PRKAR1A: variants seen among roughly 807,000 people sequenced by gnomAD.
The protein encoded by PRKAR1A is protein kinase cAMP-dependent type I regulatory subunit alpha.
A neutral mutation model predicts 52.0 loss-of-function variants in PRKAR1A; 3 were observed. The ratio of observed to expected loss-of-function variants is 0.06; its 90% confidence interval spans 0.03 to 0.15. PRKAR1A has a LOEUF of 0.15. Among genes scored for constraint, PRKAR1A ranks in the 10% least tolerant of loss-of-function variants. The pLI, the probability that PRKAR1A is intolerant of heterozygous loss-of-function variation, is 1.00. For missense variants in PRKAR1A, 240 were observed against 477.4 expected (o/e 0.50, Z 4.63); for synonymous variants, 188 against 168.4 (o/e 1.12, Z -0.90).
chr17:68,460,251 G>T, the PRKAR1A span, among the ~76,000 whole-genome samples: 1,184 of 152,262 alleles, frequency 7.8e-3, 18 homozygotes, highest in African/African-American at 0.027. Context: ...TCTCAGTAGA[G>T]TCTTGAGGGA....
At chr17:68,475,413 CCTCT>C in the PRKAR1A span, among the ~76,000 whole-genome samples, 8 of 152,142 alleles carry the variant, frequency 5.3e-5, no homozygotes, top group Non-Finnish European at 1.2e-4. Flanking sequence ...TGAAACAATT[CCTCT>C]CTAAGTCCTG....
the PRKAR1A span, among the ~76,000 whole-genome samples, chr17:68,473,240 C>T: frequency 5.3e-5 from 8 of 152,308 alleles, no homozygotes; most frequent in African/African-American, 1.9e-4. Flanking sequence ...TACACACTTA[C>T]ATTTAAACTA....
At chr17:68,473,667 C>T in the PRKAR1A span, among the ~76,000 whole-genome samples, 4 of 152,210 alleles carry the variant, frequency 2.6e-5, no homozygotes, top group South Asian at 2.1e-4. Flanking sequence ...GGACTACAGG[C>T]GTGCGCCACC....
At chr17:68,430,087 T>A in the PRKAR1A span, 1 of 1,614,084 alleles carries the variant, frequency 6.2e-7, no homozygotes, top group Middle Eastern at 1.6e-4. Context: ...GACACCTGGG[T>A]AGGGAGGTAG....
the PRKAR1A span, among the ~76,000 whole-genome samples, chr17:68,457,748 T>A: frequency 6.6e-6 from 1 of 151,916 alleles, no homozygotes; most frequent in Non-Finnish European, 1.5e-5. Flanking sequence ...GGCCAATCCG[T>A]GGCAGCTGTG....
chr17:68,523,030 C>A, intron 3 of PRKAR1A, 104 bp downstream of exon 3: 1 of 1,368,612 alleles, frequency 7.3e-7, no homozygotes, highest in Non-Finnish European at 1.0e-6. Context: ...CAGGGTGGAA[C>A]TTCATCCATC....
At chr17:68,420,570 GAGTTT>G in the PRKAR1A span, 5 of 1,356,496 alleles carry the variant, frequency 3.7e-6, no homozygotes, top group Admixed American at 3.9e-5. Flanking sequence ...TTTAGTCTTG[GAGTTT>G]AGTTTTGGAG....
chr17:68,499,120 C>T, the PRKAR1A span, among the ~76,000 whole-genome samples: 3 of 152,164 alleles, frequency 2.0e-5, no homozygotes, highest in South Asian at 4.1e-4. Context: ...AAGATCTCTC[C>T]ATGTGTTATT....
chr17:68,539,816 C>A, intron 11 of PRKAR1A: 2 of 1,498,508 alleles, frequency 1.3e-6, no homozygotes, highest in South Asian at 1.1e-5. Flanking sequence ...CTGTTTCCCC[C>A]GAGCAGCTGG....
the PRKAR1A span, among the ~76,000 whole-genome samples, chr17:68,444,994 C>T: frequency 6.8e-6 from 1 of 148,006 alleles, no homozygotes; most frequent in Non-Finnish European, 1.5e-5. Flanking sequence ...AATCTCAGCT[C>T]ACTGCAACCT....
At chr17:68,439,654 T>TTTTATTTTA in the PRKAR1A span, among the ~76,000 whole-genome samples, 2 of 152,218 alleles carry the variant, frequency 1.3e-5, no homozygotes, top group Admixed American at 1.3e-4. Flanking sequence ...GATTTTCAAA[T>TTTTATTTTA]TTTATTTTAA....
At chr17:68,543,384 T>G (rs947342270) in intron 11 of PRKAR1A, among the ~76,000 whole-genome samples, 12 of 152,208 alleles carry the variant, frequency 7.9e-5, no homozygotes, top group Non-Finnish European at 1.2e-4. Context: ...CCAAGCAGCA[T>G]GGCGGGAAGC....
At chr17:68,525,229 A>G (rs1471262102) in intron 6 of PRKAR1A, among the ~76,000 whole-genome samples, 2 of 151,672 alleles carry the variant, frequency 1.3e-5, no homozygotes, top group East Asian at 3.9e-4. Context: ...GATGGAGGCA[A>G]GAGGGTTGCT....
At chr17:68,439,361 A>G in the PRKAR1A span, among the ~76,000 whole-genome samples, 1 of 152,214 alleles carries the variant, frequency 6.6e-6, no homozygotes, top group Non-Finnish European at 1.5e-5. Context: ...AGGCTATGTG[A>G]AAGAAGTCAG....
chr17:68,490,683 A>T, the PRKAR1A span, among the ~76,000 whole-genome samples: 2 of 151,998 alleles, frequency 1.3e-5, no homozygotes, highest in African/African-American at 4.8e-5. Flanking sequence ...AGATGCGATT[A>T]CCCATCTGTG....
chr17:68,451,794 G>A, the PRKAR1A span, among the ~76,000 whole-genome samples: 19 of 152,086 alleles, frequency 1.2e-4, no homozygotes, highest in African/African-American at 2.2e-4. Context: ...GTATTATGAC[G>A]AGGAAAGTAC....
At chr17:68,436,916 C>T in the PRKAR1A span, among the ~76,000 whole-genome samples, 1 of 151,922 alleles carries the variant, frequency 6.6e-6, no homozygotes, top group Admixed American at 6.6e-5. Context: ...ATCGCTTGAA[C>T]CCAGGAGGCA....
At chr17:68,447,959 T>C in the PRKAR1A span, among the ~76,000 whole-genome samples, 64 of 130,414 alleles carry the variant, frequency 4.9e-4, 1 homozygote, top group African/African-American at 1.7e-3. Flanking sequence ...CACTCCAGCC[T>C]GGGCAACAGA....
At chr17:68,530,040 T>C (rs375770381) in intron 10 of PRKAR1A, 39 bp downstream of exon 10, 1 of 1,589,532 alleles carries the variant, frequency 6.3e-7, no homozygotes. Context: ...CATGGTTTCT[T>C]TAAGTCACCT....
Sources: gnomAD v4.1 joint callset for allele counts (sites outside exome capture counted in the v4.1 genomes callset) on GRCh38, gnomAD v4.1.1 for gene constraint, MANE v1.5 for transcripts, NCBI Gene and HGNC (gene_info 2026-07-23, HGNC 2026-07-21) for gene names.